The following COL10A1 variants were observed in gnomAD, a reference collection of about 807,000 sequenced individuals.
The protein encoded by COL10A1 is collagen alpha-1(X) chain.
In COL10A1, 10 loss-of-function variants were observed where a neutral mutation model predicts 18.2. The ratio of observed to expected loss-of-function variants is 0.55; its 90% confidence interval spans 0.34 to 0.93. The LOEUF (loss-of-function observed/expected upper bound fraction) is 0.93, where lower values mean the gene tolerates loss of function less well. Among genes scored for constraint, COL10A1 ranks in the 40% least tolerant of loss-of-function variants. The pLI, the probability that COL10A1 is intolerant of heterozygous loss-of-function variation, is 0.02. For missense variants in COL10A1, 897 were observed against 853.5 expected, an observed-to-expected ratio of 1.05 and a Z score of -0.64; for synonymous variants, 330 against 316.6, an observed-to-expected ratio of 1.04 and a Z score of -0.45.
upstream of COL10A1, among the ~76,000 whole-genome samples, chr6:116,130,339 G>A (rs73772264): frequency 6.0e-3 from 919 of 152,140 alleles, 13 homozygotes; most frequent in South Asian, 0.044. Context: ...GTTTCAGTCC[G>A]TGGCACTTAT....
the COL10A1 span, among the ~76,000 whole-genome samples, chr6:116,190,450 G>A: frequency 6.6e-6 from 1 of 151,946 alleles, no homozygotes; most frequent in African/African-American, 2.4e-5. Context: ...GATGAGAGGT[G>A]AGGAAGACAG....
chr6:116,159,725 C>G (rs565659968), upstream of COL10A1, among the ~76,000 whole-genome samples: 10 of 152,122 alleles, frequency 6.6e-5, no homozygotes, highest in Non-Finnish European at 1.5e-4. Flanking sequence ...GAACCCATTA[C>G]CCAAATAGTG....
intron 1 of COL10A1, among the ~76,000 whole-genome samples, chr6:116,131,972 A>C (rs1041658769): frequency 6.6e-6 from 1 of 152,206 alleles, no homozygotes; most frequent in Non-Finnish European, 1.5e-5. Context: ...AATGGCCTCC[A>C]GCACCACATG....
chr6:116,180,105 G>A, the COL10A1 span, among the ~76,000 whole-genome samples: 13 of 151,894 alleles, frequency 8.6e-5, no homozygotes, highest in African/African-American at 3.1e-4. Context: ...TATCCCCAAA[G>A]GATAAGTGTT....
At chr6:116,164,616 T>C in the COL10A1 span, among the ~76,000 whole-genome samples, 3 of 152,354 alleles carry the variant, frequency 2.0e-5, no homozygotes, top group East Asian at 1.9e-4. Flanking sequence ...TTGCCTAATA[T>C]TGTTAGCTAG....
the COL10A1 span, among the ~76,000 whole-genome samples, chr6:116,198,021 T>G: frequency 6.6e-6 from 1 of 152,046 alleles, no homozygotes; most frequent in Non-Finnish European, 1.5e-5. Flanking sequence ...TCAGAAAATG[T>G]CCTTCATCAG....
At chr6:116,176,477 C>T in the COL10A1 span, among the ~76,000 whole-genome samples, 1 of 152,292 alleles carries the variant, frequency 6.6e-6, no homozygotes, top group South Asian at 2.1e-4. Context: ...CTCCCTGTGA[C>T]AGTTGAATAC....
chr6:116,139,885 C>T (rs1302507941), intron 1 of COL10A1, among the ~76,000 whole-genome samples: 4 of 152,166 alleles, frequency 2.6e-5, no homozygotes, highest in African/African-American at 9.7e-5. Context: ...TTAAAAATAA[C>T]ATTCTATGAT....
At chr6:116,162,805 G>A (rs1780365357), upstream of COL10A1, among the ~76,000 whole-genome samples, 2 of 151,998 alleles carry the variant, frequency 1.3e-5, no homozygotes, top group Admixed American at 1.3e-4. Flanking sequence ...AGTTTAGGAG[G>A]AATTCCTCCT....
At chr6:116,156,811 T>C (rs959003402) in intron 1 of COL10A1, among the ~76,000 whole-genome samples, 1 of 152,106 alleles carries the variant, frequency 6.6e-6, no homozygotes, top group African/African-American at 2.4e-5. Flanking sequence ...CAGATAGCAA[T>C]AATTTTGTGC....
chr6:116,197,521 A>G, the COL10A1 span, among the ~76,000 whole-genome samples: 2 of 152,038 alleles, frequency 1.3e-5, no homozygotes, highest in African/African-American at 4.8e-5. Flanking sequence ...ACAAACAGCC[A>G]GGTACAGCGG....
the COL10A1 span, among the ~76,000 whole-genome samples, chr6:116,215,875 A>G: frequency 1.3e-5 from 2 of 152,156 alleles, no homozygotes; most frequent in African/African-American, 2.4e-5. Flanking sequence ...ACCCAAAATC[A>G]TATTTATAGA....
chr6:116,143,193 A>G (rs889373381), intron 1 of COL10A1, among the ~76,000 whole-genome samples: 8 of 152,078 alleles, frequency 5.3e-5, no homozygotes, highest in East Asian at 3.9e-4. Context: ...AGATAGTACT[A>G]CATTTTCTCA....
chr6:116,208,075 G>A, the COL10A1 span, among the ~76,000 whole-genome samples: 1 of 151,820 alleles, frequency 6.6e-6, no homozygotes, highest in African/African-American at 2.4e-5. Flanking sequence ...CTCAGTGTGG[G>A]GCAGATTTCC....
upstream of COL10A1, among the ~76,000 whole-genome samples, chr6:116,129,526 C>G (rs150902482): frequency 3.8e-3 from 573 of 152,276 alleles, 4 homozygotes; most frequent in Admixed American, 7.1e-3. Context: ...TAGAAGCAAG[C>G]TCGGCCCCCT....
At chr6:116,162,713 A>C (rs191965281), upstream of COL10A1, among the ~76,000 whole-genome samples, 172 of 152,310 alleles carry the variant, frequency 1.1e-3, no homozygotes, top group Non-Finnish European at 2.1e-3. Context: ...TACGTTCATC[A>C]GGGATATTGG....
At chr6:116,190,805 T>G in the COL10A1 span, among the ~76,000 whole-genome samples, 1 of 152,066 alleles carries the variant, frequency 6.6e-6, no homozygotes, top group Non-Finnish European at 1.5e-5. Flanking sequence ...GTGACAGGTC[T>G]GCTGGATTTC....
rs79710060 is a variant in COL10A1 at position 116,131,261 on chromosome 6, G to A, written c.-15-5754C>T. Among the ~76,000 whole-genome samples the A allele has an allele frequency of 3.2e-4, 49 of 152,258 alleles. 1 individual carries two copies. In the East Asian group the frequency reaches 9.4e-3, roughly 29 times the overall value. The stretch of plus-strand genomic sequence containing the variant: ...CCAGCAAACATTGTATATTTCTGAA[G>A]TCAAATTTATAAAACAAGGAATATT... On this transcript the variant is annotated intron_variant, in intron 1 of 1. Coordinates refer to the COL10A1 transcript ENST00000418500.
In COL10A1 at chr6:116,119,944, G is replaced by A. The variant is rs1455895907; in HGVS notation, c.*129C>T. The stretch of plus-strand genomic sequence containing the variant: ...AGGGGGAAGGTTTGTTGGTCTGATA[G>A]CTCAAATCTGTATTTCAGAAAATAA... On this transcript the variant is annotated 3_prime_UTR_variant, in exon 3 of 3. Coordinates refer to ENST00000651968, the MANE Select transcript of COL10A1 (RefSeq NM_000493.4). 2 of 907,738 alleles carry A rather than the reference G, an allele frequency of 2.2e-6. No individual in the cohort carries two copies. The highest frequency in any genetic ancestry group is 2.4e-5 in the East Asian group (1 of 41,518). 56.2% of individuals were successfully genotyped at this position (907,738 alleles called of 1,614,324 possible).
Sources: allele counts gnomAD v4.1 joint callset (sites outside exome capture counted in the v4.1 genomes callset), GRCh38; gene constraint gnomAD v4.1.1; transcripts MANE v1.5; gene names NCBI Gene and HGNC (gene_info 2026-07-23, HGNC 2026-07-21).